Variants in TATDN1 observed in about 807,000 individuals in gnomAD.
TATDN1 encodes the protein deoxyribonuclease TATDN1.
A neutral mutation model predicts 46.4 loss-of-function variants in TATDN1; 40 were observed. That is an observed-to-expected ratio of 0.86 (90% CI 0.67 to 1.12). The LOEUF (loss-of-function observed/expected upper bound fraction) is 1.12. Ranked by LOEUF, TATDN1 falls within the 50% of genes most tolerant of loss-of-function variation. The pLI is 0.00. For missense variants in TATDN1, 326 were observed against 348.4 expected (o/e 0.94, Z 0.51); for synonymous variants, 95 against 105.6 (o/e 0.90, Z 0.62).
At chr8:124,524,374 T>C (rs1820304027) in intron 1 of TATDN1, among the ~76,000 whole-genome samples, 1 of 152,130 alleles carries the variant, frequency 6.6e-6, no homozygotes, top group South Asian at 2.1e-4. Flanking sequence ...ATACATACAA[T>C]ATAGAAGTTT....
intron 6 of TATDN1, 88 bp downstream of exon 6, chr8:124,515,658 A>T: frequency 7.7e-7 from 1 of 1,302,044 alleles, no homozygotes; most frequent in Non-Finnish European, 1.1e-6. Context: ...CCTCATGCTT[A>T]ATCCAACTAT....
intron 9 of TATDN1, among the ~76,000 whole-genome samples, chr8:124,503,564 T>C (rs1033021140): frequency 1.3e-5 from 2 of 152,176 alleles, no homozygotes; most frequent in African/African-American, 4.8e-5. Flanking sequence ...TAGTCAAAAA[T>C]AATGCAATTG....
intron 1 of TATDN1, among the ~76,000 whole-genome samples, chr8:124,535,301 C>A (rs745480506): frequency 2.6e-5 from 4 of 152,212 alleles, no homozygotes; most frequent in Non-Finnish European, 5.9e-5. Flanking sequence ...CATCACAGTA[C>A]ACAAAAGGGC....
At chr8:124,523,580 T>C (rs890804255) in intron 1 of TATDN1, 3 of 152,060 alleles carry the variant, frequency 2.0e-5, no homozygotes, top group Non-Finnish European at 4.4e-5. Context: ...AAAATAAAAA[T>C]AACAACACAA....
chr8:124,515,345 C>A (rs930281773), intron 6 of TATDN1, among the ~76,000 whole-genome samples: 1 of 152,140 alleles, frequency 6.6e-6, no homozygotes. Flanking sequence ...CACGCCTCTG[C>A]ACTCCAGCCT....
intron 6 of TATDN1, 152 bp downstream of exon 6, chr8:124,515,594 T>G: frequency 1.5e-6 from 1 of 661,370 alleles, no homozygotes; most frequent in Non-Finnish European, 2.6e-6. Context: ...CATGCAAGTA[T>G]GCATGGAATT....
rs745683892 is a variant in TATDN1, at chr8:124,522,952, C to A, written c.73G>T (p.Val25Phe). The A allele has an allele frequency of 4.3e-6, 7 of 1,612,436 alleles. No individual in the cohort carries two copies. The East Asian group carries it at 8.9e-5, about 21-fold the overall frequency. ...AAATATTTACCTTGATGCTTTTGAA[C>A]CCCCCTATAAATTCCTCTGAACATA... ...DPMFRGIYRG[V>F]QKHQDDLQDV... Residue 25 changes from valine (V) to phenylalanine (F), a missense_variant, in exon 2 of 12, where the codon GTT (valine) becomes TTT (phenylalanine). Coordinates refer to ENST00000276692, the MANE Select transcript of TATDN1 (RefSeq NM_032026.4).
intron 6 of TATDN1, 112 bp from the exon 7 acceptor site, chr8:124,508,800 C>T (rs1024159575): frequency 2.5e-5 from 17 of 680,582 alleles, no homozygotes; most frequent in African/African-American, 1.3e-4. Context: ...CTAGAAATTA[C>T]AGGACAAAAA....
intron 1 of TATDN1, among the ~76,000 whole-genome samples, chr8:124,536,434 C>A (rs1375860123): frequency 6.6e-6 from 1 of 152,118 alleles, no homozygotes; most frequent in Non-Finnish European, 1.5e-5. Flanking sequence ...CTAGTCTCAG[C>A]TACTTGGGAG....
At chr8:124,515,314 G>A (rs1302943025) in intron 6 of TATDN1, among the ~76,000 whole-genome samples, 1 of 152,140 alleles carries the variant, frequency 6.6e-6, no homozygotes, top group Non-Finnish European at 1.5e-5. Flanking sequence ...CCAGGAGGTG[G>A]AGGTTGCGGT....
intron 9 of TATDN1, 66 bp from the exon 10 acceptor site, chr8:124,495,608 A>G: frequency 7.7e-7 from 1 of 1,298,216 alleles, no homozygotes; most frequent in Non-Finnish European, 1.1e-6. Flanking sequence ...TCGTATCACA[A>G]CTTGTCTAAA....
At chr8:124,501,788 T>C (rs1817990527) in intron 9 of TATDN1, among the ~76,000 whole-genome samples, 2 of 152,148 alleles carry the variant, frequency 1.3e-5, no homozygotes, top group Non-Finnish European at 2.9e-5. Flanking sequence ...GGTAAAGATG[T>C]GCCCCCCACT....
intron 1 of TATDN1, among the ~76,000 whole-genome samples, chr8:124,524,972 C>T (rs373593430): frequency 6.6e-6 from 1 of 152,032 alleles, no homozygotes; most frequent in Non-Finnish European, 1.5e-5. Context: ...GCAGGTCCTA[C>T]GTCCCAGTAT....
At chr8:124,537,521 G>C (rs978575010) in intron 1 of TATDN1, among the ~76,000 whole-genome samples, 1 of 152,184 alleles carries the variant, frequency 6.6e-6, no homozygotes. Context: ...GTAAATGAAA[G>C]ATTTGAAGCA....
In TATDN1 at chr8:124,495,471, C is replaced by A. The variant is rs1420321184; in HGVS notation, c.664+1G>T. On this transcript the variant is annotated splice_donor_variant, in intron 10 of 11. Coordinates refer to ENST00000276692, the MANE Select transcript of TATDN1 (RefSeq NM_032026.4). LOFTEE classifies it high-confidence loss of function. ...AAACAAAGTTCTGAAAACAAACTTA[C>A]CTGTCTCAATCATTAATTTTTCACT... 6.2e-7 allele frequency: 1 copy of A among 1,603,662 alleles called. No homozygotes were observed. The highest frequency in any genetic ancestry group is 1.3e-5 in the African/African-American group (1 of 74,392).
At chr8:124,509,887 A>T (rs1202086100) in intron 6 of TATDN1, among the ~76,000 whole-genome samples, 1 of 152,012 alleles carries the variant, frequency 6.6e-6, no homozygotes, top group African/African-American at 2.4e-5. Context: ...AAATATACAA[A>T]AATTAGCCGG....
In TATDN1 at chr8:124,511,637, C is replaced by CTCTTTGCTTCTCTTTCTTAG. The variant is rs150961794; in HGVS notation, c.390-2969_390-2950dup. On this transcript the variant is annotated intron_variant, in intron 6 of 11. Coordinates refer to ENST00000276692, the MANE Select transcript of TATDN1 (RefSeq NM_032026.4). ...TAGATCAGGCCTTTCCTTGTTTTCACTCTTTGCTTCTCTTTCTTAGTCTTT... is the reference window on the plus strand; with the variant it reads ...TAGATCAGGCCTTTCCTTGTTTTCACTCTTTGCTTCTCTTTCTTAGTCTTTGCTTCTCTTTCTTAGTCTTT... Among the ~76,000 whole-genome samples, 284 of 152,170 alleles carry CTCTTTGCTTCTCTTTCTTAG rather than the reference C, an allele frequency of 1.9e-3. 3 individuals carry two copies. In the East Asian group the frequency reaches 0.043, roughly 23 times the overall value.
chr8:124,535,793 G>C (rs966112050), intron 1 of TATDN1, among the ~76,000 whole-genome samples: 1 of 152,166 alleles, frequency 6.6e-6, no homozygotes, highest in African/African-American at 2.4e-5. Flanking sequence ...CAAGATGCAT[G>C]ACACCAACAT....
chr8:124,488,770 C>T lies in TATDN1; in HGVS notation c.792-74G>A, dbSNP rs1816636776. ...AGTTCTAAAGCTATATAATATTTTT[C>T]CACACAAAGGAAAATATTGGCACAC... is the stretch of plus-strand genomic sequence containing the variant. On this transcript the variant is annotated intron_variant, in intron 11 of 11. Coordinates refer to ENST00000276692, the MANE Select transcript of TATDN1 (RefSeq NM_032026.4). 4 of 904,274 alleles carry T rather than the reference C, an allele frequency of 4.4e-6. No homozygotes were observed. In the South Asian group the frequency reaches 5.8e-5, roughly 13 times the overall value. The allele number at this position is 904,274 out of a possible 1,614,324, so 56.0% of individuals were successfully genotyped here.
Sources: gnomAD v4.1 joint callset for allele counts (sites outside exome capture counted in the v4.1 genomes callset) on GRCh38, gnomAD v4.1.1 for gene constraint, MANE v1.5 for transcripts, NCBI Gene and HGNC (gene_info 2026-07-23, HGNC 2026-07-21) for gene names.